PROS1: variants seen among roughly 807,000 people sequenced by gnomAD.
PROS1 encodes the protein vitamin K-dependent protein S.
In PROS1, 29 loss-of-function variants were observed where a neutral mutation model predicts 75.9. The observed-to-expected ratio is 0.38, with a 90% CI of 0.28 to 0.52. The LOEUF is 0.52. Among genes scored for constraint, PROS1 ranks in the 20% least tolerant of loss-of-function variants. The probability of loss-of-function intolerance (pLI) is 0.83; values close to 1 mark genes in which losing one functional copy is unlikely to be tolerated. For missense variants in PROS1, 680 were observed against 810.3 expected (o/e 0.84, Z 1.95); for synonymous variants, 245 against 280.6 (o/e 0.87, Z 1.27).
chr3:93,944,181 C>T (rs577830381), intron 1 of PROS1, among the ~76,000 whole-genome samples: 8 of 152,072 alleles, frequency 5.3e-5, no homozygotes, highest in Non-Finnish European at 1.0e-4. Context: ...GAAAGACTAA[C>T]ACGAAACCAG....
intron 3 of PROS1, chr3:93,911,211 G>A (rs1708754220): frequency 6.4e-6 from 1 of 157,354 alleles, no homozygotes; most frequent in Admixed American, 6.3e-5. Context: ...TACAAATCAG[G>A]TTTACTTCAT....
At chr3:93,880,853 T>C (rs1187463081) in intron 12 of PROS1, among the ~76,000 whole-genome samples, 1 of 152,218 alleles carries the variant, frequency 6.6e-6, no homozygotes, top group Non-Finnish European at 1.5e-5. Flanking sequence ...TTATTTTCAT[T>C]ACCTTTTCAG....
intron 10 of PROS1, 80 bp from the exon 11 acceptor site, chr3:93,886,583 T>A (rs1459916759): frequency 9.3e-7 from 1 of 1,077,110 alleles, no homozygotes; most frequent in Admixed American, 1.9e-5. Flanking sequence ...AAACTTATGT[T>A]ATTATTCCAA....
chr3:93,891,808 C>G (rs1279070667), intron 10 of PROS1, among the ~76,000 whole-genome samples: 2 of 151,982 alleles, frequency 1.3e-5, no homozygotes, highest in Non-Finnish European at 2.9e-5. Context: ...GCCTGTAATC[C>G]CAGCACTTTG....
At chr3:93,941,941 T>C (rs539045341) in intron 1 of PROS1, among the ~76,000 whole-genome samples, 1 of 152,276 alleles carries the variant, frequency 6.6e-6, no homozygotes, top group African/African-American at 2.4e-5. Flanking sequence ...TTGTTGAGTC[T>C]CCCACAATTA....
chr3:93,955,398 A>T lies in PROS1; in HGVS notation c.76+18276T>A, dbSNP rs1709582572. 2.0e-5 allele frequency among the ~76,000 whole-genome samples: 3 copies of T among 152,330 alleles called. No individual in the cohort carries two copies. In the South Asian group the frequency reaches 6.2e-4, roughly 32 times the overall value. ...ACACCATGGAATACTATGCAGTCATAAAAAAGGATGAGTTCATATCCTTTG... is the reference window on the plus strand; with the variant it reads ...ACACCATGGAATACTATGCAGTCATTAAAAAGGATGAGTTCATATCCTTTG... On this transcript the variant is annotated intron_variant, in intron 1 of 14. Coordinates refer to ENST00000394236, the MANE Select transcript of PROS1 (RefSeq NM_000313.4).
intron 1 of PROS1, among the ~76,000 whole-genome samples, chr3:93,973,410 C>T (rs1344489740): frequency 6.6e-6 from 1 of 152,156 alleles, no homozygotes; most frequent in Non-Finnish European, 1.5e-5. Context: ...GTGTTCTCAT[C>T]CCTCCATTGA....
chr3:93,945,706 C>T (rs1709381337), intron 1 of PROS1, among the ~76,000 whole-genome samples: 1 of 152,128 alleles, frequency 6.6e-6, no homozygotes, highest in Non-Finnish European at 1.5e-5. Context: ...CAATATCATA[C>T]TGAATGGGCA....
At chr3:93,887,643 C>A (rs1258871694) in intron 10 of PROS1, among the ~76,000 whole-genome samples, 1 of 152,182 alleles carries the variant, frequency 6.6e-6, no homozygotes, top group Non-Finnish European at 1.5e-5. Flanking sequence ...AGCCAATTAG[C>A]AGCATGTGAA....
chr3:93,921,742 G>A (rs541392211), intron 3 of PROS1, among the ~76,000 whole-genome samples: 5 of 152,018 alleles, frequency 3.3e-5, no homozygotes, highest in Non-Finnish European at 7.4e-5. Flanking sequence ...TTTCTATCTT[G>A]TACTCTATGT....
chr3:93,960,229 T>C (rs1354022245), intron 1 of PROS1, among the ~76,000 whole-genome samples: 1 of 149,548 alleles, frequency 6.7e-6, no homozygotes. Flanking sequence ...CAGGCTGGAG[T>C]GCAGTGGCAC....
intron 1 of PROS1, among the ~76,000 whole-genome samples, chr3:93,952,771 A>G (rs1210355612): frequency 6.6e-6 from 1 of 152,230 alleles, no homozygotes; most frequent in Non-Finnish European, 1.5e-5. Flanking sequence ...AACCCTTCAA[A>G]AAATCAGTGA....
rs576882786 is a variant in PROS1, at chr3:93,891,555, G to A, written c.1155+1378C>T. Reference sequence around the variant, plus strand: ...TGATTCTCCTGCTGGGATTGCAGGCGTGCGCCACCAAGCCTGACTAATTTT... The same window carrying A: ...TGATTCTCCTGCTGGGATTGCAGGCATGCGCCACCAAGCCTGACTAATTTT... On this transcript the variant is annotated intron_variant, in intron 10 of 14. Coordinates refer to ENST00000394236, the MANE Select transcript of PROS1 (RefSeq NM_000313.4). 9.2e-5 allele frequency among the ~76,000 whole-genome samples: 14 copies of A among 152,072 alleles called. No individual in the cohort carries two copies. The South Asian group carries it at 1.0e-3, about 11-fold the overall frequency.
At chr3:93,921,110 C>G (rs1463473874) in intron 3 of PROS1, among the ~76,000 whole-genome samples, 1 of 152,150 alleles carries the variant, frequency 6.6e-6, no homozygotes, top group African/African-American at 2.4e-5. Context: ...TATCAAACTC[C>G]TGGCCTCAAG....
intron 6 of PROS1, among the ~76,000 whole-genome samples, chr3:93,905,106 T>A (rs1708653707): frequency 6.6e-6 from 1 of 152,228 alleles, no homozygotes; most frequent in Non-Finnish European, 1.5e-5. Flanking sequence ...TTGCAGTGGA[T>A]TTCTTTCTAT....
chr3:93,898,644 A>G (rs574516023), intron 7 of PROS1, 75 bp from the exon 8 acceptor site: 1 of 1,532,914 alleles, frequency 6.5e-7, no homozygotes, highest in South Asian at 1.1e-5. Flanking sequence ...GAGGAATATT[A>G]TGATTGTAGT....
At chr3:93,886,670 T>C (rs1322215487) in intron 10 of PROS1, among the ~76,000 whole-genome samples, 167 bp from the exon 11 acceptor site, 2 of 152,188 alleles carry the variant, frequency 1.3e-5, no homozygotes, top group African/African-American at 4.8e-5. Flanking sequence ...CAAATTATGA[T>C]AAATGTGATA....
chr3:93,918,914 T>A (rs1034399915), intron 3 of PROS1, among the ~76,000 whole-genome samples: 15 of 152,240 alleles, frequency 9.9e-5, no homozygotes, highest in African/African-American at 3.6e-4. Context: ...TTCCATGTTT[T>A]TTTTCACGTG....
At chr3:93,945,921 G>A (rs1165941951) in intron 1 of PROS1, among the ~76,000 whole-genome samples, 15 of 152,156 alleles carry the variant, frequency 9.9e-5, no homozygotes, top group Non-Finnish European at 1.0e-4. Flanking sequence ...CCTCGTCTCA[G>A]CCCAAAATCT....
Sources: allele counts gnomAD v4.1 joint callset (sites outside exome capture counted in the v4.1 genomes callset), GRCh38; gene constraint gnomAD v4.1.1; transcripts MANE v1.5; gene names NCBI Gene and HGNC (gene_info 2026-07-23, HGNC 2026-07-21).